The following SUCLG2 variants were observed in gnomAD, a reference collection of about 807,000 sequenced individuals.
The protein encoded by SUCLG2 is succinate--CoA ligase [GDP-forming] subunit beta, mitochondrial.
A neutral mutation model predicts 47.9 loss-of-function variants in SUCLG2; 42 were observed. That is an observed-to-expected ratio of 0.88 (90% CI 0.69 to 1.14). The LOEUF (loss-of-function observed/expected upper bound fraction) is 1.14. SUCLG2 is among the 50% of genes most tolerant of loss of function. The pLI, the probability that SUCLG2 is intolerant of heterozygous loss-of-function variation, is 0.00. For missense variants in SUCLG2, 571 were observed against 525.9 expected, an observed-to-expected ratio of 1.09 and a Z score of -0.84; for synonymous variants, 195 against 197.3, an observed-to-expected ratio of 0.99 and a Z score of 0.10.
At chr3:67,479,599 CA>C (rs781739919) in intron 9 of SUCLG2, among the ~76,000 whole-genome samples, 3 of 152,176 alleles carry the variant, frequency 2.0e-5, no homozygotes, top group Non-Finnish European at 4.4e-5. Context: ...TGAATCACAG[CA>C]AAACACTTAT....
intron 6 of SUCLG2, among the ~76,000 whole-genome samples, chr3:67,516,469 T>C (rs559225543): frequency 6.6e-6 from 1 of 152,342 alleles, no homozygotes; most frequent in African/African-American, 2.4e-5. Context: ...CTCTCTATTA[T>C]GTTCACCTCC....
chr3:67,449,124 A>T (rs1047659824), intron 9 of SUCLG2, among the ~76,000 whole-genome samples: 1 of 152,238 alleles, frequency 6.6e-6, no homozygotes, highest in African/African-American at 2.4e-5. Flanking sequence ...TGACTGTGAC[A>T]GACAGATTAA....
intron 9 of SUCLG2, among the ~76,000 whole-genome samples, chr3:67,450,058 T>C (rs1295084549): frequency 6.6e-6 from 1 of 152,062 alleles, no homozygotes; most frequent in Admixed American, 6.6e-5. Flanking sequence ...CTAATTAATT[T>C]AGAGACAGGG....
At chr3:67,377,134 C>A (rs1702051361) in intron 10 of SUCLG2, among the ~76,000 whole-genome samples, 1 of 152,148 alleles carries the variant, frequency 6.6e-6, no homozygotes, top group Non-Finnish European at 1.5e-5. Context: ...TCCTATTGTT[C>A]CTATTTTACA....
chr3:67,387,376 TCTC>T (rs1191232697), intron 10 of SUCLG2, among the ~76,000 whole-genome samples: 2 of 152,208 alleles, frequency 1.3e-5, no homozygotes, highest in African/African-American at 2.4e-5. Flanking sequence ...AGTCAACTCT[TCTC>T]CTGTTCTTAA....
chr3:67,441,685 A>G (rs926202362), intron 9 of SUCLG2, among the ~76,000 whole-genome samples: 4 of 152,228 alleles, frequency 2.6e-5, no homozygotes, highest in South Asian at 2.1e-4. Context: ...GATAACTAAC[A>G]TATACAGTAA....
chr3:67,649,890 G>C (rs1188981804), intron 1 of SUCLG2, among the ~76,000 whole-genome samples: 1 of 152,172 alleles, frequency 6.6e-6, no homozygotes. Context: ...CCATATTTCA[G>C]TGACTTTCTG....
chr3:67,627,082 T>A (rs1490552112), intron 1 of SUCLG2, among the ~76,000 whole-genome samples: 1 of 152,106 alleles, frequency 6.6e-6, no homozygotes, highest in Admixed American at 6.5e-5. Flanking sequence ...TCAGTGAGCT[T>A]GAAATTGAAG....
At chr3:67,391,682 C>T (rs1413519468) in intron 10 of SUCLG2, among the ~76,000 whole-genome samples, 1 of 152,124 alleles carries the variant, frequency 6.6e-6, no homozygotes, top group Non-Finnish European at 1.5e-5. Context: ...TTGCTGCTAA[C>T]ACCCAGAATA....
intron 10 of SUCLG2, among the ~76,000 whole-genome samples, chr3:67,389,866 T>C (rs1702342404): frequency 6.6e-6 from 1 of 152,172 alleles, no homozygotes; most frequent in Non-Finnish European, 1.5e-5. Flanking sequence ...CAAGGTTCTT[T>C]ATTCATATCA....
intron 2 of SUCLG2, among the ~76,000 whole-genome samples, chr3:67,604,542 C>T (rs1478708147): frequency 6.6e-6 from 1 of 152,128 alleles, no homozygotes; most frequent in Non-Finnish European, 1.5e-5. Flanking sequence ...TGTTTCCTTG[C>T]TTGTAAAATG....
intron 2 of SUCLG2, among the ~76,000 whole-genome samples, chr3:67,558,856 A>AT (rs1216550570): frequency 6.6e-6 from 1 of 152,158 alleles, no homozygotes; most frequent in East Asian, 1.9e-4. Flanking sequence ...TACCCTTACC[A>AT]TATGGTATAA....
chr3:67,632,009 G>C (rs1308062971), intron 1 of SUCLG2, among the ~76,000 whole-genome samples: 1 of 152,176 alleles, frequency 6.6e-6, no homozygotes, highest in Non-Finnish European at 1.5e-5. Flanking sequence ...ACTTCCCAGG[G>C]CTAACAGTTC....
intron 6 of SUCLG2, among the ~76,000 whole-genome samples, chr3:67,511,204 G>T (rs756708632): frequency 1.3e-4 from 20 of 152,058 alleles, no homozygotes; most frequent in Admixed American, 3.3e-4. Flanking sequence ...GTTCTTCATA[G>T]AAGCTGTCCC....
At chr3:67,387,451 G>C (rs942702537) in intron 10 of SUCLG2, among the ~76,000 whole-genome samples, 3 of 152,178 alleles carry the variant, frequency 2.0e-5, no homozygotes, top group Non-Finnish European at 2.9e-5. Context: ...AACTAGAAAT[G>C]AATGCACACT....
intron 4 of SUCLG2, among the ~76,000 whole-genome samples, chr3:67,520,956 T>C (rs1157016041): frequency 1.3e-5 from 2 of 152,204 alleles, no homozygotes; most frequent in Non-Finnish European, 2.9e-5. Flanking sequence ...TGGCTGTTAT[T>C]TTAATTTGAG....
chr3:67,495,678 G>C, intron 9 of SUCLG2, 120 bp downstream of exon 9: 1 of 997,108 alleles, frequency 1.0e-6, no homozygotes, highest in Non-Finnish European at 1.5e-6. Flanking sequence ...GATAGAAGTT[G>C]CATCTGGGGC....
At chr3:67,583,030 G>C (rs1707922414) in intron 2 of SUCLG2, among the ~76,000 whole-genome samples, 1 of 152,054 alleles carries the variant, frequency 6.6e-6, no homozygotes, top group African/African-American at 2.4e-5. Flanking sequence ...TGTATGCAGT[G>C]ACAAAAGGGA....
At chr3:67,654,067 C>T (rs114585202) in intron 1 of SUCLG2, among the ~76,000 whole-genome samples, 1,700 of 152,302 alleles carry the variant, frequency 0.011, 39 homozygotes, top group African/African-American at 0.038. Flanking sequence ...TGGGCTGAAA[C>T]GGGTTTCCAG....
Sources: allele counts gnomAD v4.1 joint callset (sites outside exome capture counted in the v4.1 genomes callset), GRCh38; gene constraint gnomAD v4.1.1; transcripts MANE v1.5; gene names NCBI Gene and HGNC (gene_info 2026-07-23, HGNC 2026-07-21).